The following AK7 variants were observed in gnomAD, a reference collection of about 807,000 sequenced individuals.
The protein encoded by AK7 is adenylate kinase 7, also known as ATP-AMP transphosphorylase 7.
AK7 carries 78 observed loss-of-function variants against 96.6 expected under a neutral mutation model. That is an observed-to-expected ratio of 0.81 (90% CI 0.67 to 0.97). The LOEUF is 0.97. Ranked by LOEUF, AK7 falls within the 50% of genes least tolerant of loss-of-function variation. AK7 has a pLI of 0.00. For synonymous variants in AK7, 302 were observed against 317.2 expected (o/e 0.95, Z 0.51); for missense variants, 855 against 887.9 (o/e 0.96, Z 0.47).
rs11361139 is a variant in AK7 at position 96,488,824 on chromosome 14, C to CTTTTTT, written c.*495_*500dup. 4 of 127,790 alleles carry CTTTTTT rather than the reference C, an allele frequency of 3.1e-5. No individual in the cohort carries two copies. Among genetic ancestry groups the CTTTTTT allele is most frequent in the Non-Finnish European group, 6.6e-5 (4 of 60,278 alleles). The allele number at this position is 127,790 out of a possible 1,614,324, so 7.9% of individuals were successfully genotyped here. ...GACAAGATTGGTGCCTGTAAGGTGG[C>CTTTTTT]TTTTTTTTTTTTTTTTTTTAAATGA... is the stretch of plus-strand genomic sequence containing the variant. On this transcript the variant is annotated 3_prime_UTR_variant, in exon 18 of 18. Coordinates refer to ENST00000267584, the MANE Select transcript of AK7 (RefSeq NM_152327.5).
chr14:96,432,025 C>A (rs1892380601), intron 5 of AK7, among the ~76,000 whole-genome samples: 1 of 152,096 alleles, frequency 6.6e-6, no homozygotes, highest in South Asian at 2.1e-4. Flanking sequence ...CCTTCTTTGT[C>A]TCTTTTGATC....
At chr14:96,445,574 C>T (rs1893189823) in intron 7 of AK7, among the ~76,000 whole-genome samples, 1 of 152,068 alleles carries the variant, frequency 6.6e-6, no homozygotes, top group Admixed American at 6.6e-5. Flanking sequence ...GCGGGAGGAT[C>T]ACTTGACCCT....
intron 12 of AK7, among the ~76,000 whole-genome samples, chr14:96,463,495 G>A (rs562403185): frequency 1.2e-4 from 19 of 152,008 alleles, no homozygotes; most frequent in Middle Eastern, 3.4e-3. Context: ...CGAGGCGGGC[G>A]GATCACGAGG....
At chr14:96,441,658 A>AAG (rs1555381478) in intron 6 of AK7, among the ~76,000 whole-genome samples, 2 of 149,724 alleles carry the variant, frequency 1.3e-5, no homozygotes, top group African/African-American at 4.9e-5. Context: ...AAAAAAAAAA[A>AAG]AAAAGAAAAC....
In AK7 at chr14:96,456,473, C is replaced by G. The variant is rs549536560; in HGVS notation, c.1225C>G (p.Leu409Val). The change falls in exon 11 of 18, where the codon CTG (leucine) becomes GTG (valine). Residue 409 changes from leucine (L) to valine (V), a missense_variant and splice_region_variant. Physicochemically the swap from Leu to Val is conservative, Grantham distance 32 (BLOSUM62 1). Coordinates refer to ENST00000267584, the MANE Select transcript of AK7 (RefSeq NM_152327.5). ...KDVISEAIAK[L>V]EAIVAPNDVG... ...TGTCATTTCTGAAGCCATAGCAAAA[C>G]TGGTAACACTTTAAACTATTTTCCT... 1 of 1,613,234 alleles carries G rather than the reference C, an allele frequency of 6.2e-7. No homozygotes were observed.
rs758474372 is a variant in AK7, at chr14:96,408,945, A to G, written c.498+4A>G. On this transcript the variant is annotated splice_donor_region_variant and intron_variant, in intron 4 of 17. Transcript: ENST00000267584. Reference sequence around the variant, plus strand: ...GCGCTCCAAAGCCCTGGACCCCGTAAGTAGAGCGTTAGCTTTCCTTTAGGT... The same window carrying G: ...GCGCTCCAAAGCCCTGGACCCCGTAGGTAGAGCGTTAGCTTTCCTTTAGGT... 6.2e-7 allele frequency: 1 copy of G among 1,613,858 alleles called. No individual in the cohort carries two copies. Among genetic ancestry groups the G allele is most frequent in the South Asian group, 1.1e-5 (1 of 91,062 alleles).
At chr14:96,410,900 C>A (rs894096085) in intron 4 of AK7, among the ~76,000 whole-genome samples, 1 of 152,148 alleles carries the variant, frequency 6.6e-6, no homozygotes, top group African/African-American at 2.4e-5. Flanking sequence ...ACTCAGGAGG[C>A]TGAGGTGGGA....
chr14:96,411,003 A>G (rs1890998878), intron 4 of AK7, among the ~76,000 whole-genome samples: 1 of 152,100 alleles, frequency 6.6e-6, no homozygotes, highest in South Asian at 2.1e-4. Context: ...CCTGCCTCAA[A>G]TAAATAAATA....
intron 1 of AK7, 130 bp downstream of exon 1, chr14:96,392,389 C>A: frequency 1.4e-6 from 1 of 724,424 alleles, no homozygotes; most frequent in Non-Finnish European, 2.3e-6. Context: ...GAGGGTCCCG[C>A]GTCCTGGGCA....
rs376142531 is a variant in AK7, at chr14:96,467,496, C to T, written c.1358-3982C>T. 3.1e-3 allele frequency among the ~76,000 whole-genome samples: 475 copies of T among 152,172 alleles called. 3 individuals are homozygous for T. Among genetic ancestry groups the T allele is most frequent in the African/African-American group, 0.01 (432 of 41,526 alleles). On this transcript the variant is annotated intron_variant, in intron 12 of 17. Transcript: ENST00000267584. ...GACTACAGGCGCACGCCACCACACC[C>T]GGCTAATTTTTTTGTATTTTTAGTA...
intron 12 of AK7, among the ~76,000 whole-genome samples, chr14:96,460,735 C>T (rs921773771): frequency 6.6e-6 from 1 of 152,210 alleles, no homozygotes; most frequent in African/African-American, 2.4e-5. Flanking sequence ...CACCCATGTT[C>T]CACTCAGGGA....
chr14:96,456,674 T>C, intron 11 of AK7, 199 bp downstream of exon 11: 1 of 496,476 alleles, frequency 2.0e-6, no homozygotes, highest in Non-Finnish European at 3.5e-6. Flanking sequence ...AGAAGAGTGT[T>C]GACCTTGGCC....
At chr14:96,481,035 C>T (rs893700414) in intron 15 of AK7, among the ~76,000 whole-genome samples, 1 of 152,196 alleles carries the variant, frequency 6.6e-6, no homozygotes, top group Non-Finnish European at 1.5e-5. Flanking sequence ...TACTCTCCCC[C>T]TCTGTGGCCT....
At chr14:96,447,140 G>A (rs1223351333) in intron 8 of AK7, among the ~76,000 whole-genome samples, 1 of 152,074 alleles carries the variant, frequency 6.6e-6, no homozygotes, top group Admixed American at 6.6e-5. Flanking sequence ...AAGAAAGACT[G>A]CTGTAGGGCT....
At chr14:96,445,790 G>A (rs1348194095) in intron 7 of AK7, among the ~76,000 whole-genome samples, 1 of 152,192 alleles carries the variant, frequency 6.6e-6, no homozygotes, top group African/African-American at 2.4e-5. Context: ...TAAGATGGAG[G>A]TAGAATTGAC....
At position 96,458,104 on chromosome 14, in the gene AK7, G is replaced by C; in HGVS notation, c.1249G>C (p.Asp417His). ...GCAGGAGGCGATTGTTGCCCCTAACGATGTAGGGGAAGGAGAAGAAGAAGT... is the reference window on the plus strand; with the variant it reads ...GCAGGAGGCGATTGTTGCCCCTAACCATGTAGGGGAAGGAGAAGAAGAAGT... The part of the protein sequence containing the change: ...AKLEAIVAPN[D>H]VGEGEEEVEE... Residue 417 changes from aspartate to histidine, a missense_variant, in exon 12 of 18, where the codon GAT (aspartate) becomes CAT (histidine). Transcript: ENST00000267584. The C allele has an allele frequency of 1.2e-6, 2 of 1,613,588 alleles. No homozygotes were observed. Among genetic ancestry groups the C allele is most frequent in the Non-Finnish European group, 1.7e-6 (2 of 1,179,770 alleles).
chr14:96,462,894 T>G (rs1199558370), intron 12 of AK7, among the ~76,000 whole-genome samples: 2 of 152,080 alleles, frequency 1.3e-5, no homozygotes, highest in Non-Finnish European at 2.9e-5. Context: ...TCCCAGCACT[T>G]TGGGAGGCCA....
At chr14:96,476,405 T>C (rs1895181539) in intron 14 of AK7, among the ~76,000 whole-genome samples, 1 of 150,704 alleles carries the variant, frequency 6.6e-6, no homozygotes, top group East Asian at 2.0e-4. Flanking sequence ...CTTGGGAGGC[T>C]GAGGCAGGAG....
chr14:96,437,857 T>G lies in AK7; in HGVS notation c.632T>G (p.Val211Gly). The G allele has an allele frequency of 6.2e-7, 1 of 1,612,274 alleles. No homozygotes were observed. The highest frequency in any genetic ancestry group is 1.3e-5 in the African/African-American group (1 of 74,988). The change falls in exon 6 of 18, where the codon GTA becomes GGA. Residue 211 changes from valine (V) to glycine (G), a missense_variant. Coordinates refer to ENST00000267584, the MANE Select transcript of AK7 (RefSeq NM_152327.5). The stretch of plus-strand genomic sequence containing the variant: ...TAGGCCAGAAAATTTGCAGCATACG[T>G]AGTTGCTGCTGGACTCCAGTATGGA... ...GKKARKFAAY[V>G]VAAGLQYGAE...
Sources: allele counts gnomAD v4.1 joint callset (sites outside exome capture counted in the v4.1 genomes callset), GRCh38; gene constraint gnomAD v4.1.1; transcripts MANE v1.5; gene names NCBI Gene and HGNC (gene_info 2026-07-23, HGNC 2026-07-21).